CCPG1: variants seen among roughly 807,000 people sequenced by gnomAD.
CCPG1 encodes the protein cell cycle progression 1, also known as cell cycle progression protein 1.
Under a neutral mutation model 81.3 loss-of-function variants are expected in CCPG1, and 46 were observed. That is an observed-to-expected ratio of 0.57 (90% CI 0.45 to 0.72). CCPG1 has a LOEUF of 0.72. Ranked by LOEUF, CCPG1 falls within the 30% of genes least tolerant of loss-of-function variation. The probability of loss-of-function intolerance (pLI) is 0.00; values close to 1 mark genes in which losing one functional copy is unlikely to be tolerated. For synonymous variants in CCPG1, 330 were observed against 305.2 expected (o/e 1.08, Z -0.85); for missense variants, 902 against 937.6 (o/e 0.96, Z 0.50).
intron 2 of CCPG1, among the ~76,000 whole-genome samples, chr15:55,388,824 A>T (rs887059971): frequency 6.6e-6 from 1 of 151,468 alleles, no homozygotes; most frequent in Non-Finnish European, 1.5e-5. Context: ...TAAGCCCAGC[A>T]TGTTGGGAAG....
intron 8 of CCPG1, chr15:55,358,356 G>T: frequency 2.0e-6 from 2 of 984,860 alleles, no homozygotes; most frequent in Non-Finnish European, 2.4e-6. Flanking sequence ...TGAAGATAAG[G>T]GGGGACTACT....
intron 1 of CCPG1, among the ~76,000 whole-genome samples, chr15:55,397,590 G>T (rs2057045817): frequency 6.6e-6 from 1 of 152,160 alleles, no homozygotes; most frequent in African/African-American, 2.4e-5. Flanking sequence ...TTGAATATGG[G>T]GTATAAAGGA....
intron 1 of CCPG1, among the ~76,000 whole-genome samples, chr15:55,392,140 A>G (rs1425253336): frequency 6.6e-6 from 1 of 152,018 alleles, no homozygotes; most frequent in African/African-American, 2.4e-5. Context: ...AAAGAATATG[A>G]AAGTTCTTTA....
rs1012184492 is a variant in CCPG1, at chr15:55,356,290, C to T, written c.2354G>A (p.Arg785His). Residue 785 changes from arginine (R) to histidine (H), a missense_variant, in exon 9 of 9, where the codon CGC becomes CAC. Transcript: ENST00000442196. Reference sequence around the variant, plus strand: ...ATTTGCCATTTGTCTTCCATTAGTGCGACCATATTTATGCCATTTACCTTC... The same window carrying T: ...ATTTGCCATTTGTCTTCCATTAGTGTGACCATATTTATGCCATTTACCTTC... ...KREGKWHKYG[R>H]TNGRQMANLE... 7 of 1,534,394 alleles carry T rather than the reference C, an allele frequency of 4.6e-6. No individual in the cohort carries two copies. The highest frequency in any genetic ancestry group is 1.7e-4 in the Middle Eastern group (1 of 6,004).
intron 1 of CCPG1, among the ~76,000 whole-genome samples, chr15:55,404,096 T>C (rs2057173297): frequency 6.6e-6 from 1 of 152,180 alleles, no homozygotes. Flanking sequence ...AATAACATAT[T>C]GAGCCAACTC....
chr15:55,388,531 T>G (rs1204221938), intron 2 of CCPG1, among the ~76,000 whole-genome samples: 1 of 152,236 alleles, frequency 6.6e-6, no homozygotes, highest in African/African-American at 2.4e-5. Context: ...ACCAAATTAC[T>G]TAACCTCTCT....
rs564547692 is a variant in CCPG1, at chr15:55,374,353, T to A, written c.455-2309A>T. 63 of 570,812 alleles carry A rather than the reference T, an allele frequency of 1.1e-4. No individual in the cohort carries two copies. The South Asian group carries it at 1.1e-3, about 10-fold the overall frequency. The allele number at this position is 570,812 out of a possible 1,614,324, so 35.4% of individuals were successfully genotyped here. A position where few individuals can be genotyped will look rare whatever the true frequency, so the allele number is the denominator to read the frequency against. ...ACTTAATTATCACTTAACATTGTTA[T>A]CCGTACAAAATTAAAACGTAATAAC... On this transcript the variant is annotated intron_variant, in intron 5 of 8. Coordinates refer to ENST00000442196, the MANE Select transcript of CCPG1 (RefSeq NM_001204450.2).
At chr15:55,390,040 C>T (rs891313455) in intron 1 of CCPG1, among the ~76,000 whole-genome samples, 2 of 152,232 alleles carry the variant, frequency 1.3e-5, no homozygotes, top group Non-Finnish European at 2.9e-5. Context: ...TCTCCTGCCT[C>T]AGCCTCCCGA....
Position 55,391,895 on chromosome 15 carries a change from G to GT in CCPG1, c.-9-2463_-9-2462insA, listed in dbSNP as rs373234354. The stretch of plus-strand genomic sequence containing the variant: ...TTTAAAAAAAAAAAAAAAGGGGGGG[G>GT]GGGGCTAGGTGTGGTAGCTCACGTC... On this transcript the variant is annotated intron_variant, in intron 1 of 8. Transcript: ENST00000442196. Among the ~76,000 whole-genome samples the GT allele has an allele frequency of 4.1e-5, 5 of 121,144 alleles. 1 individual carries two copies. Among genetic ancestry groups the GT allele is most frequent in the African/African-American group, 5.6e-5 (2 of 35,770 alleles). The allele number at this position is 121,144 out of a possible 152,430, so 79.5% of individuals were successfully genotyped here. A position where few individuals can be genotyped will look rare whatever the true frequency, so the allele number is the denominator to read the frequency against.
chr15:55,372,688 G>T (rs1312381949), intron 5 of CCPG1: 2 of 252,526 alleles, frequency 7.9e-6, no homozygotes, highest in African/African-American at 4.7e-5. Flanking sequence ...TGCTATTACA[G>T]GTATAAACAA....
intron 5 of CCPG1, chr15:55,373,167 G>T: frequency 5.0e-6 from 2 of 401,920 alleles, no homozygotes; most frequent in Non-Finnish European, 4.8e-6. Flanking sequence ...ATCACCTTCA[G>T]TTTTTTCCAA....
intron 6 of CCPG1, among the ~76,000 whole-genome samples, chr15:55,367,183 G>A (rs1160615486): frequency 6.6e-6 from 1 of 152,138 alleles, no homozygotes; most frequent in Non-Finnish European, 1.5e-5. Flanking sequence ...TTACTCAGCA[G>A]AATCCCAGAT....
intron 1 of CCPG1, among the ~76,000 whole-genome samples, chr15:55,400,295 G>C (rs1355230594): frequency 6.7e-6 from 1 of 148,834 alleles, no homozygotes; most frequent in Non-Finnish European, 1.5e-5. Context: ...CGGATCACGA[G>C]GTCATGAGTT....
chr15:55,358,621 A>T, intron 8 of CCPG1: 1 of 985,402 alleles, frequency 1.0e-6, no homozygotes, highest in Non-Finnish European at 1.2e-6. Context: ...TTTAAAAACT[A>T]AGTTCAGTTC....
Position 55,360,082 on chromosome 15 carries a change from G to A in CCPG1, c.1691C>T (p.Thr564Ile). Residue 564 changes from threonine to isoleucine, a missense_variant, in exon 8 of 9, where the codon ACA becomes ATA. By Grantham distance (89) the Thr-to-Ile change is moderately conservative. Around this residue, in one of 3 missense-constraint regions of CCPG1, gnomAD observed 746 missense variants for 728.6 expected, o/e 1.02. Transcript: ENST00000442196. ...TGGATGTAAATAGTCACTAAAAACT[G>A]TTCTTGGTTTTTCAGCTGCTTCTTT... is the stretch of plus-strand genomic sequence containing the variant. Reference protein sequence around the residue: ...ATKEAAEKPRTVFSDYLHPQY... With the variant: ...ATKEAAEKPRIVFSDYLHPQY... 7 of 1,613,642 alleles carry A rather than the reference G, an allele frequency of 4.3e-6. No individual in the cohort carries two copies. The highest frequency in any genetic ancestry group is 5.9e-6 in the Non-Finnish European group (7 of 1,179,856).
intron 6 of CCPG1, among the ~76,000 whole-genome samples, chr15:55,366,275 T>TC (rs963999931): frequency 2.6e-5 from 4 of 152,146 alleles, no homozygotes; most frequent in African/African-American, 9.7e-5. Flanking sequence ...TGGTATTTTT[T>TC]CACAGGTCGT....
chr15:55,387,435 A>C (rs1345676170), intron 2 of CCPG1, among the ~76,000 whole-genome samples: 1 of 152,264 alleles, frequency 6.6e-6, no homozygotes, highest in Non-Finnish European at 1.5e-5. Flanking sequence ...AGATGCTTTT[A>C]AATTTTGAAA....
rs57640801 is a variant in CCPG1 at position 55,379,161 on chromosome 15, CGTGTGTGT to C, written c.176-793_176-786del. Among the ~76,000 whole-genome samples, 84 of 134,764 alleles carry C rather than the reference CGTGTGTGT, an allele frequency of 6.2e-4. 5 individuals carry two copies. Among genetic ancestry groups the C allele is most frequent in the African/African-American group, 2.3e-3 (76 of 33,156 alleles). 88.4% of individuals were successfully genotyped at this position (134,764 alleles called of 152,430 possible). On this transcript the variant is annotated intron_variant, in intron 3 of 8. Transcript: ENST00000442196. ...TTATGAAAGTATGTATGTATATGTA[CGTGTGTGT>C]GTGTGTGTGTGTGTGTGTGTGTGTC... is the stretch of plus-strand genomic sequence containing the variant.
chr15:55,361,818 G>C (rs1244583270), intron 7 of CCPG1, among the ~76,000 whole-genome samples: 3 of 152,086 alleles, frequency 2.0e-5, no homozygotes, highest in Non-Finnish European at 4.4e-5. Flanking sequence ...AACAATCTTA[G>C]TCCTATTTGA....
Sources: allele counts gnomAD v4.1 joint callset (sites outside exome capture counted in the v4.1 genomes callset), GRCh38; gene constraint gnomAD v4.1.1; regional missense constraint gnomAD v4.1.1; transcripts MANE v1.5; gene names NCBI Gene and HGNC (gene_info 2026-07-23, HGNC 2026-07-21).